The following LCE1A variants were observed in gnomAD, a reference collection of about 807,000 sequenced individuals.
LCE1A encodes late cornified envelope protein 1A.
For synonymous variants in LCE1A, 59 were observed against 53.8 expected (o/e 1.10, Z -0.43); for missense variants, 138 against 140.0 (o/e 0.99, Z 0.07).
In LCE1A at chr1:152,827,659, G is replaced by T. The variant is rs375353288; in HGVS notation, c.187G>T (p.Gly63Trp). 4.8e-5 allele frequency: 78 copies of T among 1,613,892 alleles called. 1 individual carries two copies. Among genetic ancestry groups the T allele is most frequent in the Non-Finnish European group, 6.4e-5 (76 of 1,179,986 alleles). Residue 63 changes from glycine (G) to tryptophan (W), a missense_variant, in exon 1 of 1, where the codon GGG (glycine) becomes TGG (tryptophan). Physicochemically the swap from Gly to Trp is radical, Grantham distance 184. Coordinates refer to ENST00000335123, the MANE Select transcript of LCE1A (RefSeq NM_178348.2). ...GSSSGGGCSS[G>W]GGGCCLSHHR... ...CAGCTCTGGGGGCGGCTGCAGCTCT[G>T]GGGGAGGTGGCTGCTGCCTGAGCCA...
Position 152,827,690 on chromosome 1 carries a change from G to A in LCE1A, c.218G>A (p.Arg73Lys), listed in dbSNP as rs747980150. Reference sequence around the variant, plus strand: ...GGTGGCTGCTGCCTGAGCCACCACAGGCGCCACAGGTCCCACCGTCACAGA... The same window carrying A: ...GGTGGCTGCTGCCTGAGCCACCACAAGCGCCACAGGTCCCACCGTCACAGA... ...GGGGCCLSHH[R>K]RHRSHRHRLQ... The change falls in exon 1 of 1, where the codon AGG becomes AAG. Residue 73 changes from arginine to lysine, a missense_variant. Physicochemically the swap from Arg to Lys is conservative, Grantham distance 26. Transcript: ENST00000335123. The A allele has an allele frequency of 1.5e-5, 24 of 1,613,806 alleles. No homozygotes were observed. Among genetic ancestry groups the A allele is most frequent in the Non-Finnish European group, 1.9e-5 (22 of 1,179,978 alleles).
Position 152,827,597 on chromosome 1 carries a change from C to G in LCE1A, c.125C>G (p.Ser42Cys), listed in dbSNP as rs1337096319. 1.2e-6 allele frequency: 2 copies of G among 1,613,608 alleles called. No homozygotes were observed. Among genetic ancestry groups the G allele is most frequent in the African/African-American group, 2.7e-5 (2 of 74,754 alleles). ...CCCCCTAAGTGCCCTCCAGTCTCTT[C>G]CTGCTGCAGTGTCAGCTCCGGAGGC... ...KCPPKCPPVS[S>C]CCSVSSGGCC... Residue 42 changes from serine to cysteine, a missense_variant, in exon 1 of 1, where the codon TCC becomes TGC. Ser to Cys is a moderately radical substitution (Grantham distance 112, BLOSUM62 -1). Transcript: ENST00000335123.
In LCE1A at chr1:152,827,948, C is replaced by T. The variant is rs1647404270; in HGVS notation, c.*143C>T. The T allele has an allele frequency of 7.3e-6, 7 of 952,950 alleles. No individual in the cohort carries two copies. The South Asian group carries it at 9.4e-5, about 13-fold the overall frequency. 59.0% of individuals were successfully genotyped at this position (952,950 alleles called of 1,614,324 possible). A position where few individuals can be genotyped will look rare whatever the true frequency, so the allele number is the denominator to read the frequency against. ...AGCTCTGGCCTAGAGGATCCCTCTG[C>T]CCTGGGATCCAGAAACTTGATTCTT... On this transcript the variant is annotated 3_prime_UTR_variant, in exon 1 of 1. Transcript: ENST00000335123.
rs1448592071 is a variant in LCE1A at position 152,827,505 on chromosome 1, G to A, written c.33G>A (p.Gln11=). MSCQQSQQQC[Q]PPPKCTPKCP... is the part of the protein sequence containing the mutation. ...GCCAGCAGAGCCAGCAGCAGTGCCAGCCCCCTCCCAAGTGCACCCCCAAGT... is the reference window on the plus strand; with the variant it reads ...GCCAGCAGAGCCAGCAGCAGTGCCAACCCCCTCCCAAGTGCACCCCCAAGT... The change falls in exon 1 of 1, where the codon CAG becomes CAA. Residue 11 remains glutamine (Q), a synonymous_variant. Transcript: ENST00000335123. The A allele has an allele frequency of 6.2e-7, 1 of 1,612,880 alleles. No homozygotes were observed. Among genetic ancestry groups the A allele is most frequent in the South Asian group, 1.1e-5 (1 of 90,974 alleles).
rs746980649 is a variant in LCE1A, at chr1:152,827,662, G to T, written c.190G>T (p.Gly64Ter). 18 of 1,613,908 alleles carry T rather than the reference G, an allele frequency of 1.1e-5. No homozygotes were observed. Among genetic ancestry groups the T allele is most frequent in the Non-Finnish European group, 1.4e-5 (16 of 1,180,002 alleles). ...SSSGGGCSSG[G>*]GGCCLSHHRR... ...CTCTGGGGGCGGCTGCAGCTCTGGG[G>T]GAGGTGGCTGCTGCCTGAGCCACCA... The change falls in exon 1 of 1, where the codon GGA (glycine) becomes TGA (stop). Residue 64 changes from glycine (G) to a stop codon, truncating the protein, a stop_gained. Coordinates refer to ENST00000335123, the MANE Select transcript of LCE1A (RefSeq NM_178348.2). LOFTEE classifies it high-confidence loss of function.
rs1271666162 is a variant in LCE1A, at chr1:152,828,065, C to A, written c.*260C>A. Among the ~76,000 whole-genome samples, 2 of 152,206 alleles carry A rather than the reference C, an allele frequency of 1.3e-5. No individual in the cohort carries two copies. The highest frequency in any genetic ancestry group is 4.8e-5 in the African/African-American group (2 of 41,446). On this transcript the variant is annotated 3_prime_UTR_variant, in exon 1 of 1. Coordinates refer to ENST00000335123, the MANE Select transcript of LCE1A (RefSeq NM_178348.2). The stretch of plus-strand genomic sequence containing the variant: ...AACTCACTCTCCAGCTCATTTCCTG[C>A]AGCCTCAAGTGAAACAATAAAGCAA...
At position 152,827,538 on chromosome 1, in the gene LCE1A, C is replaced by A. The variant is rs1647385733; in HGVS notation, c.66C>A (p.Pro22=). 2 of 1,613,568 alleles carry A rather than the reference C, an allele frequency of 1.2e-6. No homozygotes were observed. Among genetic ancestry groups the A allele is most frequent in the Non-Finnish European group, 1.7e-6 (2 of 1,179,880 alleles). The change falls in exon 1 of 1, where the codon CCC becomes CCA. Residue 22 remains proline (P), a synonymous_variant. Coordinates refer to ENST00000335123, the MANE Select transcript of LCE1A (RefSeq NM_178348.2). ...PPPKCTPKCP[P]KCPTPKCPPK... ...CCAAGTGCACCCCCAAGTGCCCTCCCAAGTGCCCCACTCCTAAGTGCCCCC... is the reference window on the plus strand; with the variant it reads ...CCAAGTGCACCCCCAAGTGCCCTCCAAAGTGCCCCACTCCTAAGTGCCCCC...
Sources: allele counts gnomAD v4.1 joint callset (sites outside exome capture counted in the v4.1 genomes callset), GRCh38; gene constraint gnomAD v4.1.1; transcripts MANE v1.5; gene names NCBI Gene and HGNC (gene_info 2026-07-23, HGNC 2026-07-21).